GRM7: variants seen among roughly 807,000 people sequenced by gnomAD.
GRM7 encodes metabotropic glutamate receptor 7.
In GRM7, 35 loss-of-function variants were observed where a neutral mutation model predicts 84.5. That is an observed-to-expected ratio of 0.41 (90% confidence interval 0.32 to 0.55). The LOEUF (loss-of-function observed/expected upper bound fraction) is 0.55, where lower values mean the gene tolerates loss of function less well. GRM7 is among the 20% of genes least tolerant of loss of function. GRM7 has a pLI of 0.19. For missense variants in GRM7, 1,003 were observed against 1,194.6 expected (o/e 0.84, Z 2.36); for synonymous variants, 487 against 455.1 (o/e 1.07, Z -0.89).
At chr3:7,339,101 C>A (rs1409705611) in intron 4 of GRM7, among the ~76,000 whole-genome samples, 1 of 152,070 alleles carries the variant, frequency 6.6e-6, no homozygotes, top group Non-Finnish European at 1.5e-5. Flanking sequence ...ATTAAAGGAT[C>A]ATGTCCCAAA....
At chr3:7,653,242 T>C (rs955969202) in intron 8 of GRM7, among the ~76,000 whole-genome samples, 2 of 146,054 alleles carry the variant, frequency 1.4e-5, no homozygotes, top group South Asian at 4.5e-4. Flanking sequence ...TACCTAACTG[T>C]AAATGCTTTT....
intron 4 of GRM7, among the ~76,000 whole-genome samples, chr3:7,391,848 C>A (rs944951529): frequency 1.3e-5 from 2 of 151,924 alleles, no homozygotes; most frequent in Non-Finnish European, 2.9e-5. Flanking sequence ...AGCATGTTTG[C>A]CTTCAGTGGG....
At chr3:7,278,102 T>G (rs1699135955) in intron 2 of GRM7, among the ~76,000 whole-genome samples, 1 of 152,046 alleles carries the variant, frequency 6.6e-6, no homozygotes. Flanking sequence ...GGGAGTTTGA[T>G]TTAGTTAGCA....
intron 4 of GRM7, among the ~76,000 whole-genome samples, chr3:7,381,357 A>T (rs551672230): frequency 6.6e-6 from 1 of 152,250 alleles, no homozygotes; most frequent in Non-Finnish European, 1.5e-5. Context: ...TCATTAATAT[A>T]TTCTGCCAGT....
At chr3:7,713,356 C>T (rs1161698797) in intron 9 of GRM7, among the ~76,000 whole-genome samples, 2 of 151,760 alleles carry the variant, frequency 1.3e-5, no homozygotes, top group East Asian at 3.9e-4. Context: ...AGGCTGGTCT[C>T]GAACTCCTGA....
chr3:7,285,812 A>G (rs960446713), intron 2 of GRM7, among the ~76,000 whole-genome samples: 2 of 152,136 alleles, frequency 1.3e-5, no homozygotes, highest in African/African-American at 4.8e-5. Context: ...TGTTCTACTT[A>G]TCATATTTAT....
At chr3:7,360,105 G>C (rs1693592627) in intron 4 of GRM7, among the ~76,000 whole-genome samples, 1 of 144,660 alleles carries the variant, frequency 6.9e-6, no homozygotes, top group African/African-American at 2.7e-5. Context: ...CAAGCATAAG[G>C]GTATCTCTTT....
intron 1 of GRM7, among the ~76,000 whole-genome samples, chr3:7,138,671 GT>G (rs1028199988): frequency 5.3e-5 from 8 of 151,454 alleles, no homozygotes; most frequent in South Asian, 2.1e-4. Flanking sequence ...ATAAAGTTTA[GT>G]TTTTTTTCAC....
chr3:7,079,351 A>G (rs909521799), intron 1 of GRM7, among the ~76,000 whole-genome samples: 2 of 152,122 alleles, frequency 1.3e-5, no homozygotes, highest in African/African-American at 4.8e-5. Flanking sequence ...TATTGTGAGG[A>G]CAGACAATAA....
At chr3:7,596,642 G>T (rs1051179719) in intron 8 of GRM7, among the ~76,000 whole-genome samples, 3 of 152,148 alleles carry the variant, frequency 2.0e-5, no homozygotes, top group Non-Finnish European at 2.9e-5. Flanking sequence ...TTCAAATGCT[G>T]CTTAGAAGTA....
intron 4 of GRM7, among the ~76,000 whole-genome samples, chr3:7,344,426 G>A (rs1219204082): frequency 5.3e-5 from 8 of 152,082 alleles, no homozygotes; most frequent in African/African-American, 9.6e-5. Context: ...ACATGATCTC[G>A]TTCTTTTTAT....
At chr3:7,398,709 G>A (rs1695321006) in intron 4 of GRM7, among the ~76,000 whole-genome samples, 1 of 152,028 alleles carries the variant, frequency 6.6e-6, no homozygotes, top group African/African-American at 2.4e-5. Context: ...AGAAAAGCAT[G>A]AGGGTATTTG....
At chr3:6,894,554 G>GGT (rs1696102441) in intron 1 of GRM7, among the ~76,000 whole-genome samples, 2 of 151,598 alleles carry the variant, frequency 1.3e-5, no homozygotes, top group Admixed American at 6.6e-5. Flanking sequence ...CATCTCTATA[G>GGT]GTGTATATAT....
At chr3:6,972,212 G>A (rs1693783880) in intron 1 of GRM7, among the ~76,000 whole-genome samples, 1 of 152,120 alleles carries the variant, frequency 6.6e-6, no homozygotes, top group African/African-American at 2.4e-5. Flanking sequence ...AACACACAGT[G>A]CCATTTGCTT....
rs372708757 is a variant in GRM7 at position 7,332,661 on chromosome 3, G to A, written c.1033+26009G>A. Among the ~76,000 whole-genome samples, 81 of 152,264 alleles carry A rather than the reference G, an allele frequency of 5.3e-4. 1 individual carries two copies. Among genetic ancestry groups the A allele is most frequent in the African/African-American group, 1.6e-3 (68 of 41,560 alleles). On this transcript the variant is annotated intron_variant, in intron 4 of 9. Transcript: ENST00000357716. Reference sequence around the variant, plus strand: ...TCCCACTTAGATGAACAGAAATAGCGTGTGGAGACTCACATTGTGAACTTA... The same window carrying A: ...TCCCACTTAGATGAACAGAAATAGCATGTGGAGACTCACATTGTGAACTTA...
chr3:7,382,735 T>C (rs1333872703), intron 4 of GRM7, among the ~76,000 whole-genome samples: 1 of 152,216 alleles, frequency 6.6e-6, no homozygotes, highest in Non-Finnish European at 1.5e-5. Context: ...AGTTGAGATA[T>C]GGGTAACCTA....
chr3:7,095,545 GAC>G (rs1698826453), intron 1 of GRM7, among the ~76,000 whole-genome samples: 1 of 152,112 alleles, frequency 6.6e-6, no homozygotes, highest in South Asian at 2.1e-4. Context: ...GGAATATTAG[GAC>G]CACATTCTTT....
intron 2 of GRM7, among the ~76,000 whole-genome samples, chr3:7,176,299 T>TA (rs1285480642): frequency 2.2e-5 from 3 of 137,884 alleles, no homozygotes; most frequent in African/African-American, 8.0e-5. Context: ...TGGTCTCAGC[T>TA]ACTCTAGAGG....
chr3:6,973,529 C>G (rs908198661), intron 1 of GRM7, among the ~76,000 whole-genome samples: 1 of 151,974 alleles, frequency 6.6e-6, no homozygotes, highest in Non-Finnish European at 1.5e-5. Flanking sequence ...TATACTATAT[C>G]AAGTGATGAT....
Sources: gnomAD v4.1 joint callset for allele counts (sites outside exome capture counted in the v4.1 genomes callset) on GRCh38, gnomAD v4.1.1 for gene constraint, MANE v1.5 for transcripts, NCBI Gene and HGNC (gene_info 2026-07-23, HGNC 2026-07-21) for gene names.